Variants in PRKCI observed in about 807,000 individuals in gnomAD.
The protein encoded by PRKCI is protein kinase C iota type.
In PRKCI, 43 loss-of-function variants were observed where a neutral mutation model predicts 84.0. That is an observed-to-expected ratio of 0.51 (90% CI 0.40 to 0.66). PRKCI has a LOEUF of 0.66. Among genes scored for constraint, PRKCI ranks in the 30% least tolerant of loss-of-function variants. The pLI is 0.00. For synonymous variants in PRKCI, 216 were observed against 234.4 expected (o/e 0.92, Z 0.72); for missense variants, 459 against 745.6 (o/e 0.62, Z 4.48).
At chr3:170,279,865 C>T (rs1191910361) in intron 8 of PRKCI, among the ~76,000 whole-genome samples, 1 of 152,110 alleles carries the variant, frequency 6.6e-6, no homozygotes, top group East Asian at 1.9e-4. Flanking sequence ...CTTGACGTTC[C>T]CTGTCAGTGG....
In PRKCI at chr3:170,259,959, T is replaced by A. The variant is rs1733680893; in HGVS notation, c.224-10T>A. 6 of 1,580,236 alleles carry A rather than the reference T, an allele frequency of 3.8e-6. No individual in the cohort carries two copies. Among genetic ancestry groups the A allele is most frequent in the Non-Finnish European group, 5.2e-6 (6 of 1,161,598 alleles). ...TAAAGTGACCTTTACTTTACTTTTG[T>A]GTTTTTTAGGAGACCCGTGTACAGT... On this transcript the variant is annotated splice_polypyrimidine_tract_variant and intron_variant, in intron 2 of 17. Transcript: ENST00000295797.
At chr3:170,283,549 T>C (rs895254743) in intron 11 of PRKCI, among the ~76,000 whole-genome samples, 2 of 152,220 alleles carry the variant, frequency 1.3e-5, no homozygotes, top group Non-Finnish European at 2.9e-5. Context: ...TCATTGTGTA[T>C]TTATGCCTTA....
At chr3:170,289,910 T>C (rs1734500436) in intron 12 of PRKCI, among the ~76,000 whole-genome samples, 1 of 149,286 alleles carries the variant, frequency 6.7e-6, no homozygotes, top group African/African-American at 2.5e-5. Context: ...AACTCCATCT[T>C]AAAAGAAGAA....
intron 11 of PRKCI, among the ~76,000 whole-genome samples, chr3:170,283,402 T>C (rs963458519): frequency 6.6e-6 from 1 of 152,246 alleles, no homozygotes; most frequent in African/African-American, 2.4e-5. Flanking sequence ...TAAAAACTTG[T>C]AGAAAATTTG....
chr3:170,263,545 T>A, intron 4 of PRKCI, 116 bp downstream of exon 4: 1 of 830,108 alleles, frequency 1.2e-6, no homozygotes, highest in Non-Finnish European at 1.9e-6. Flanking sequence ...CTAATGCCTG[T>A]AATCCCAGCA....
intron 2 of PRKCI, among the ~76,000 whole-genome samples, chr3:170,236,982 A>G (rs551606042): frequency 3.7e-4 from 57 of 152,234 alleles, no homozygotes; most frequent in African/African-American, 1.3e-3. Flanking sequence ...ATGTGTAACA[A>G]ATGTGATAAA....
At chr3:170,232,201 C>A (rs1467307509) in intron 1 of PRKCI, among the ~76,000 whole-genome samples, 1 of 151,816 alleles carries the variant, frequency 6.6e-6, no homozygotes, top group Non-Finnish European at 1.5e-5. Flanking sequence ...TAGGCACACA[C>A]CACTATGTCT....
At position 170,297,535 on chromosome 3, in the gene PRKCI, A is replaced by T; in HGVS notation, c.1587+142A>T. The T allele has an allele frequency of 1.2e-5, 8 of 649,530 alleles. No homozygotes were observed. The South Asian group carries it at 1.4e-4, about 12-fold the overall frequency. 40.2% of individuals were successfully genotyped at this position (649,530 alleles called of 1,614,324 possible). A position where few individuals can be genotyped will look rare whatever the true frequency, so the allele number is the denominator to read the frequency against. On this transcript the variant is annotated intron_variant, in intron 16 of 17. Transcript: ENST00000295797. ...AATGGCACGATCTCAGCTCACTGCA[A>T]CCTCCGCCTCGCGAGTTCAAGCAGT... is the stretch of plus-strand genomic sequence containing the variant.
chr3:170,257,069 G>A (rs543374174), intron 2 of PRKCI, among the ~76,000 whole-genome samples: 147 of 152,092 alleles, frequency 9.7e-4, no homozygotes, highest in African/African-American at 3.4e-3. Context: ...AACAATATTT[G>A]GATTATACTA....
intron 1 of PRKCI, among the ~76,000 whole-genome samples, chr3:170,223,757 T>C (rs1732558041): frequency 6.6e-6 from 1 of 152,122 alleles, no homozygotes. Context: ...AGAAGTAAAT[T>C]GCTTTAAAAA....
rs150223889 is a variant in PRKCI at position 170,248,470 on chromosome 3, A to G, written c.224-11499A>G. 3.2e-3 allele frequency among the ~76,000 whole-genome samples: 484 copies of G among 152,202 alleles called. 18 individuals are homozygous for G. The highest frequency in any genetic ancestry group is 0.029 in the Admixed American group (449 of 15,280). Reference sequence around the variant, plus strand: ...ACTCTGGATGTATTCCTGCTCTAGGATGTGAATTTAGACTTTTGTAATAGA... The same window carrying G: ...ACTCTGGATGTATTCCTGCTCTAGGGTGTGAATTTAGACTTTTGTAATAGA... On this transcript the variant is annotated intron_variant, in intron 2 of 17. Coordinates refer to ENST00000295797, the MANE Select transcript of PRKCI (RefSeq NM_002740.6).
intron 3 of PRKCI, among the ~76,000 whole-genome samples, chr3:170,261,566 C>T (rs1251540538): frequency 6.6e-6 from 1 of 152,082 alleles, no homozygotes; most frequent in Non-Finnish European, 1.5e-5. Context: ...TCACTGCAAC[C>T]TTGGCCTCCT....
chr3:170,278,196 T>G (rs1318789848), intron 8 of PRKCI, among the ~76,000 whole-genome samples: 1 of 152,088 alleles, frequency 6.6e-6, no homozygotes, highest in Non-Finnish European at 1.5e-5. Context: ...TAACTCTATC[T>G]TTTTTGCTCC....
At chr3:170,290,517 T>C (rs981264514) in intron 12 of PRKCI, among the ~76,000 whole-genome samples, 1 of 151,678 alleles carries the variant, frequency 6.6e-6, no homozygotes, top group Admixed American at 6.6e-5. Context: ...ATATTCTACA[T>C]GTATATGTAT....
At chr3:170,277,557 G>A (rs934256478) in intron 8 of PRKCI, among the ~76,000 whole-genome samples, 3 of 152,056 alleles carry the variant, frequency 2.0e-5, no homozygotes, top group Non-Finnish European at 2.9e-5. Context: ...AGCCAGGCTC[G>A]GTGGCAGGCG....
chr3:170,225,485 G>A (rs1732604418), intron 1 of PRKCI, among the ~76,000 whole-genome samples: 1 of 151,940 alleles, frequency 6.6e-6, no homozygotes, highest in African/African-American at 2.4e-5. Context: ...AGAACATTCT[G>A]CATTTGAAAA....
chr3:170,261,583 A>T (rs1733729579), intron 3 of PRKCI, among the ~76,000 whole-genome samples: 1 of 151,996 alleles, frequency 6.6e-6, no homozygotes, highest in Non-Finnish European at 1.5e-5. Flanking sequence ...TCCTGTGTTC[A>T]AGTGATTCTC....
intron 14 of PRKCI, 37 bp from the exon 15 acceptor site, chr3:170,295,874 A>C (rs369585686): frequency 1.6e-4 from 210 of 1,273,476 alleles, no homozygotes; most frequent in South Asian, 6.2e-4. Flanking sequence ...AAGCCATGTA[A>C]AAGTTAAATA....
chr3:170,260,846 TATC>T (rs1046781063), intron 3 of PRKCI, among the ~76,000 whole-genome samples: 1 of 152,214 alleles, frequency 6.6e-6, no homozygotes, highest in Non-Finnish European at 1.5e-5. Context: ...TAAACTCAGT[TATC>T]ATTGTAACTG....
Sources: gnomAD v4.1 joint callset for allele counts (sites outside exome capture counted in the v4.1 genomes callset) on GRCh38, gnomAD v4.1.1 for gene constraint, MANE v1.5 for transcripts, NCBI Gene and HGNC (gene_info 2026-07-23, HGNC 2026-07-21) for gene names.